Variants in G2E3 observed in about 807,000 individuals in gnomAD.
G2E3 encodes G2/M-phase specific E3 ubiquitin protein ligase, also known as G2/M phase-specific E3 ubiquitin-protein ligase.
G2E3 carries 35 observed loss-of-function variants against 92.8 expected under a neutral mutation model. The observed-to-expected ratio is 0.38, with a 90% CI of 0.29 to 0.50. The LOEUF is 0.50. Ranked by LOEUF, G2E3 falls within the 20% of genes least tolerant of loss-of-function variation. The pLI is 0.94. For synonymous variants in G2E3, 242 were observed against 272.4 expected (o/e 0.89, Z 1.10); for missense variants, 554 against 823.8 (o/e 0.67, Z 4.01).
At chr14:30,573,203 C>T (rs373429101) in intron 1 of G2E3, among the ~76,000 whole-genome samples, 17 of 152,094 alleles carry the variant, frequency 1.1e-4, no homozygotes, top group Admixed American at 5.2e-4. Flanking sequence ...AAAAAAAATT[C>T]TAATAGCTTT....
Position 30,601,883 on chromosome 14 carries a change from T to C in G2E3, c.866T>C (p.Ile289Thr). The change falls in exon 9 of 15, where the codon ATC becomes ACC. Residue 289 changes from isoleucine to threonine, a missense_variant. Ile to Thr is a moderately conservative substitution (Grantham distance 89, BLOSUM62 -1). This residue lies in a region of G2E3 where 397 missense variants were observed against 560.3 expected (regional missense o/e 0.71). Transcript: ENST00000206595. ...GAGTGTTTGGAATGTAGGGGTATTATCTACAATTCAGGTAATTTTTTTGTA... is the reference window on the plus strand; with the variant it reads ...GAGTGTTTGGAATGTAGGGGTATTACCTACAATTCAGGTAATTTTTTTGTA... ...NWECLECRGI[I>T]YNSGEFQKAK... 1.9e-6 allele frequency: 3 copies of C among 1,612,872 alleles called. No homozygotes were observed. In the East Asian group the frequency reaches 6.7e-5, roughly 36 times the overall value.
chr14:30,610,376 G>T (rs1882030838), intron 12 of G2E3, among the ~76,000 whole-genome samples: 1 of 152,210 alleles, frequency 6.6e-6, no homozygotes, highest in Non-Finnish European at 1.5e-5. Context: ...AACACTTTGG[G>T]AGAACAGGTG....
intron 13 of G2E3, among the ~76,000 whole-genome samples, chr14:30,614,206 A>G (rs1882213974): frequency 1.3e-5 from 2 of 151,948 alleles, no homozygotes; most frequent in African/African-American, 4.8e-5. Context: ...TTATTCTTTT[A>G]TTATTTGTTT....
At chr14:30,615,633 G>A in intron 14 of G2E3, 94 bp downstream of exon 14, 1 of 715,234 alleles carries the variant, frequency 1.4e-6, no homozygotes, top group Non-Finnish European at 2.2e-6. Context: ...TTGCCTTTTG[G>A]TATTAATATT....
chr14:30,594,894 C>T (rs1156860525), intron 6 of G2E3, among the ~76,000 whole-genome samples: 9 of 149,804 alleles, frequency 6.0e-5, no homozygotes, highest in Admixed American at 2.0e-4. Context: ...TCTGGGAGGC[C>T]GAGGAGGGCG....
intron 1 of G2E3, among the ~76,000 whole-genome samples, chr14:30,568,732 T>C (rs1879584932): frequency 6.6e-6 from 1 of 152,210 alleles, no homozygotes; most frequent in Non-Finnish European, 1.5e-5. Context: ...TTTTATATTT[T>C]TTGCTTATTT....
At chr14:30,581,171 C>T in intron 2 of G2E3, 55 bp downstream of exon 2, 2 of 950,366 alleles carry the variant, frequency 2.1e-6, no homozygotes, top group Non-Finnish European at 3.4e-6. Context: ...AAATATGTTA[C>T]TTAAACATTA....
At chr14:30,587,270 A>G (rs1286004662) in intron 3 of G2E3, among the ~76,000 whole-genome samples, 3 of 152,150 alleles carry the variant, frequency 2.0e-5, no homozygotes, top group South Asian at 2.1e-4. Flanking sequence ...AAAGGAAACC[A>G]GTTACTTTAT....
intron 11 of G2E3, among the ~76,000 whole-genome samples, 182 bp from the exon 12 acceptor site, chr14:30,607,706 T>C (rs1414857099): frequency 1.3e-5 from 2 of 152,206 alleles, no homozygotes; most frequent in Non-Finnish European, 2.9e-5. Context: ...TTTTACTTTA[T>C]ATTCAGAAAA....
Position 30,617,456 on chromosome 14 carries a change from ATAATCATTTTAGATAT to A in G2E3, c.*924_*939del, listed in dbSNP as rs1452398276. The A allele has an allele frequency of 3.3e-5, 5 of 152,032 alleles. No homozygotes were observed. Among genetic ancestry groups the A allele is most frequent in the Non-Finnish European group, 5.9e-5 (4 of 67,942 alleles). 9.4% of individuals were successfully genotyped at this position (152,032 alleles called of 1,614,324 possible). On this transcript the variant is annotated 3_prime_UTR_variant, in exon 15 of 15. Coordinates refer to ENST00000206595, the MANE Select transcript of G2E3 (RefSeq NM_017769.5). ...GTTTGGTATTCTGTATGTCTGATCCATAATCATTTTAGATATTTGAATGATCTCTGTGGATTGGTAG... is the reference window on the plus strand; with the variant it reads ...GTTTGGTATTCTGTATGTCTGATCCATTGAATGATCTCTGTGGATTGGTAG...
intron 1 of G2E3, among the ~76,000 whole-genome samples, chr14:30,571,644 G>A (rs531758918): frequency 2.6e-5 from 4 of 152,064 alleles, no homozygotes; most frequent in Middle Eastern, 3.4e-3. Flanking sequence ...AAAGCATTCA[G>A]TTATTTCAAT....
chr14:30,570,563 A>G (rs1374575782), intron 1 of G2E3, among the ~76,000 whole-genome samples: 1 of 152,072 alleles, frequency 6.6e-6, no homozygotes, highest in Non-Finnish European at 1.5e-5. Flanking sequence ...GATAATTTCA[A>G]CTAACCTGTC....
In G2E3 at chr14:30,618,639, T is replaced by C. The variant is rs1030619769; in HGVS notation, c.*2105T>C. 2.6e-5 allele frequency: 4 copies of C among 152,114 alleles called. No homozygotes were observed. Among genetic ancestry groups the C allele is most frequent in the African/African-American group, 9.7e-5 (4 of 41,448 alleles). The allele number at this position is 152,114 out of a possible 1,614,324, so 9.4% of individuals were successfully genotyped here. ...TAGTGATAAGATGGTGTAAATAATT[T>C]AGGATATTCATGTTTTAAAGTGAAG... On this transcript the variant is annotated 3_prime_UTR_variant, in exon 15 of 15. Coordinates refer to ENST00000206595, the MANE Select transcript of G2E3 (RefSeq NM_017769.5).
chr14:30,592,355 A>T lies in G2E3; in HGVS notation c.270A>T (p.Ser90=), dbSNP rs1421489892. 11 of 1,612,380 alleles carry T rather than the reference A, an allele frequency of 6.8e-6. No individual in the cohort carries two copies. The highest frequency in any genetic ancestry group is 8.5e-6 in the Non-Finnish European group (10 of 1,178,832). The stretch of plus-strand genomic sequence containing the variant: ...GTGTTTGCAAGAAAAATGGTGCTTC[A>T]ATTGGATGTGTTGCACCCCGATGTA... ...KCCVCKKNGA[S]IGCVAPRCKR... Residue 90 remains serine (S), a synonymous_variant, in exon 5 of 15, where the codon TCA becomes TCT. Coordinates refer to ENST00000206595, the MANE Select transcript of G2E3 (RefSeq NM_017769.5).
Position 30,601,794 on chromosome 14 carries a change from G to C in G2E3, c.777G>C (p.Gln259His), listed in dbSNP as rs1881580303. 16 of 1,614,024 alleles carry C rather than the reference G, an allele frequency of 9.9e-6. No individual in the cohort carries two copies. The highest frequency in any genetic ancestry group is 1.4e-5 in the Non-Finnish European group (16 of 1,179,924). ...PDSKWEIKRC[Q>H]CCGSSGTHLA... Reference sequence around the variant, plus strand: ...GCAAATGGGAAATAAAGCGCTGTCAGTGTTGTGGTTCCAGTGGCACACATT... The same window carrying C: ...GCAAATGGGAAATAAAGCGCTGTCACTGTTGTGGTTCCAGTGGCACACATT... The change falls in exon 9 of 15, where the codon CAG becomes CAC. Residue 259 changes from glutamine to histidine, a missense_variant. By Grantham distance (24) the Gln-to-His change is conservative (BLOSUM62 0). This residue lies in a region of G2E3 where 397 missense variants were observed against 560.3 expected (regional missense o/e 0.71). Transcript: ENST00000206595.
chr14:30,579,548 A>G (rs1880309227), intron 1 of G2E3, among the ~76,000 whole-genome samples: 1 of 152,224 alleles, frequency 6.6e-6, no homozygotes, highest in Non-Finnish European at 1.5e-5. Flanking sequence ...ATCAGTCTTC[A>G]TAAAATAATC....
At chr14:30,609,354 C>T (rs577297750) in intron 12 of G2E3, among the ~76,000 whole-genome samples, 1 of 152,278 alleles carries the variant, frequency 6.6e-6, no homozygotes, top group East Asian at 1.9e-4. Flanking sequence ...AGTTTATATC[C>T]AGGGAGCTAA....
intron 6 of G2E3, among the ~76,000 whole-genome samples, chr14:30,596,070 G>A (rs1881267684): frequency 8.2e-6 from 1 of 122,060 alleles, no homozygotes; most frequent in Non-Finnish European, 1.6e-5. Context: ...ATATCCTTTA[G>A]GTTCAGAGAT....
intron 10 of G2E3, among the ~76,000 whole-genome samples, chr14:30,603,731 G>C (rs1041449545): frequency 1.3e-5 from 2 of 152,102 alleles, no homozygotes; most frequent in South Asian, 4.1e-4. Context: ...TGTAGTCCTA[G>C]CTAGGCAAGA....
Sources: gnomAD v4.1 joint callset for allele counts (sites outside exome capture counted in the v4.1 genomes callset) on GRCh38, gnomAD v4.1.1 for gene constraint, gnomAD v4.1.1 regional missense constraint, MANE v1.5 for transcripts, NCBI Gene and HGNC (gene_info 2026-07-23, HGNC 2026-07-21) for gene names.